Variants in EPRS1 observed in about 807,000 individuals in gnomAD.
EPRS1 encodes the protein bifunctional glutamate/proline--tRNA ligase.
EPRS1 carries 107 observed loss-of-function variants against 188.3 expected under a neutral mutation model. The ratio of observed to expected loss-of-function variants is 0.57; its 90% confidence interval spans 0.49 to 0.67. EPRS1 has a LOEUF of 0.67. Ranked by LOEUF, EPRS1 falls within the 30% of genes least tolerant of loss-of-function variation. The pLI is 0.00. For synonymous variants in EPRS1, 596 were observed against 593.1 expected (o/e 1.00, Z -0.07); for missense variants, 1,577 against 1,802.2 (o/e 0.88, Z 2.26).
intron 28 of EPRS1, among the ~76,000 whole-genome samples, chr1:219,975,799 TAA>T (rs1660765174): frequency 6.6e-6 from 1 of 151,876 alleles, no homozygotes; most frequent in Admixed American, 6.6e-5. Flanking sequence ...TCAACATACA[TAA>T]ATAGATATGG....
At chr1:219,988,016 T>A (rs1661037970) in intron 19 of EPRS1, among the ~76,000 whole-genome samples, 1 of 152,152 alleles carries the variant, frequency 6.6e-6, no homozygotes, top group Non-Finnish European at 1.5e-5. Context: ...GCCATTAAAT[T>A]ACATAAGTTG....
intron 17 of EPRS1, 103 bp from the exon 18 acceptor site, chr1:219,997,445 CAG>C (rs1661259394): frequency 9.4e-7 from 1 of 1,067,836 alleles, no homozygotes; most frequent in Non-Finnish European, 1.3e-6. Context: ...CAATTAAAAA[CAG>C]AAACTTTAAA....
chr1:220,038,320 G>A lies in EPRS1; in HGVS notation c.131+1865C>T, dbSNP rs555393887. On this transcript the variant is annotated intron_variant, in intron 2 of 31. Coordinates refer to ENST00000366923, the MANE Select transcript of EPRS1 (RefSeq NM_004446.3). ...TGGTCTCGAACTCCTGACCTCAGGT[G>A]ATCTGTCTGCCTTGGCCTCCCAAAG... 2.6e-5 allele frequency among the ~76,000 whole-genome samples: 4 copies of A among 151,234 alleles called. No individual in the cohort carries two copies. The East Asian group carries it at 7.8e-4, about 29-fold the overall frequency.
At chr1:220,039,520 ATTT>A (rs11414713) in intron 2 of EPRS1, among the ~76,000 whole-genome samples, 5 of 138,610 alleles carry the variant, frequency 3.6e-5, no homozygotes, top group Non-Finnish European at 4.7e-5. Flanking sequence ...TTTAATGCTG[ATTT>A]TTTTTTTTTT....
At chr1:219,970,112 G>A (rs1222255461) in intron 30 of EPRS1, among the ~76,000 whole-genome samples, 1 of 152,120 alleles carries the variant, frequency 6.6e-6, no homozygotes, top group Non-Finnish European at 1.5e-5. Flanking sequence ...GTGAGCCACC[G>A]GGCCCAGCCA....
At chr1:220,018,682 A>G (rs1470283587) in intron 11 of EPRS1, among the ~76,000 whole-genome samples, 174 bp from the exon 12 acceptor site, 2 of 152,136 alleles carry the variant, frequency 1.3e-5, no homozygotes, top group Non-Finnish European at 2.9e-5. Flanking sequence ...TACCCTTAAC[A>G]GTTCACTGTA....
In EPRS1 at chr1:220,027,382, C is replaced by T. The variant is rs1571693018; in HGVS notation, c.624-2124G>A. ...GGTGGAGCTTGCAGTGAGCCAAGAT[C>T]GTGCCACTGCACTCCAGCCCGGGCG... On this transcript the variant is annotated intron_variant, in intron 6 of 31. Coordinates refer to ENST00000366923, the MANE Select transcript of EPRS1 (RefSeq NM_004446.3). 3.3e-5 allele frequency among the ~76,000 whole-genome samples: 5 copies of T among 151,094 alleles called. No homozygotes were observed. In the South Asian group the frequency reaches 8.4e-4, roughly 25 times the overall value.
Position 219,981,406 on chromosome 1 carries a change from A to G in EPRS1, c.3425T>C (p.Ile1142Thr). 1 of 1,609,308 alleles carries G rather than the reference A, an allele frequency of 6.2e-7. No individual in the cohort carries two copies. The highest frequency in any genetic ancestry group is 8.5e-7 in the Non-Finnish European group (1 of 1,177,068). ...KWVQSHRDLP[I>T]KLNQWCNVVR... ...CACATTGCACCACTGATTGAGCTTG[A>G]TGGGCAGGTCTCTGTGTGACTGTAC... The change falls in exon 24 of 32, where the codon ATC becomes ACC. Residue 1142 changes from isoleucine (I) to threonine (T), a missense_variant. Coordinates refer to ENST00000366923, the MANE Select transcript of EPRS1 (RefSeq NM_004446.3).
rs981926756 is a variant in EPRS1 at position 219,980,237 on chromosome 1, A to G, written c.3559T>C (p.Leu1187=). The G allele has an allele frequency of 6.2e-7, 1 of 1,609,018 alleles. No individual in the cohort carries two copies. The highest frequency in any genetic ancestry group is 8.5e-7 in the Non-Finnish European group (1 of 1,176,616). Residue 1187 remains leucine, a synonymous_variant, in exon 26 of 32, where the codon TTG becomes CTG. Coordinates refer to ENST00000366923, the MANE Select transcript of EPRS1 (RefSeq NM_004446.3). ...ATMEEAAEEV[L]QILDLYAQVY... is the part of the protein sequence containing the mutation. Reference sequence around the variant, plus strand: ...TGAGCATATAAGTCAAGTATCTGCAAGACCTGTAACATTTTAAATGTAAAT... The same window carrying G: ...TGAGCATATAAGTCAAGTATCTGCAGGACCTGTAACATTTTAAATGTAAAT...
Position 220,033,508 on chromosome 1 carries a change from G to C in EPRS1, c.382C>G (p.Leu128Val). The C allele has an allele frequency of 2.5e-6, 4 of 1,603,374 alleles. No homozygotes were observed. Among genetic ancestry groups the C allele is most frequent in the Non-Finnish European group, 3.4e-6 (4 of 1,175,070 alleles). The change falls in exon 4 of 32, where the codon CTA (leucine) becomes GTA (valine). Residue 128 changes from leucine to valine, a missense_variant. Coordinates refer to ENST00000366923, the MANE Select transcript of EPRS1 (RefSeq NM_004446.3). ...SLADLCVWATLKGNAAWQEQL... is the reference protein window; with the variant it reads ...SLADLCVWATVKGNAAWQEQL... ...TATTAAGAATTATTGATACCTTTTA[G>C]GGTGGCCCAAACACATAAATCTGCT...
chr1:220,016,441 C>G (rs1483579774), intron 12 of EPRS1, among the ~76,000 whole-genome samples: 1 of 151,106 alleles, frequency 6.6e-6, no homozygotes, highest in Admixed American at 6.6e-5. Context: ...GACAGAGTCT[C>G]ACCCTGTCAC....
intron 16 of EPRS1, among the ~76,000 whole-genome samples, chr1:220,002,374 C>T (rs1367365017): frequency 2.0e-5 from 3 of 151,524 alleles, no homozygotes; most frequent in African/African-American, 4.8e-5. Context: ...GTCCTTATTA[C>T]AAACTTCCAA....
intron 28 of EPRS1, 141 bp from the exon 29 acceptor site, chr1:219,973,539 A>G (rs957371663): frequency 3.8e-6 from 2 of 528,878 alleles, no homozygotes; most frequent in African/African-American, 3.9e-5. Context: ...GAGAAAAAAA[A>G]AAAACAGGTA....
chr1:219,973,256 T>C lies in EPRS1; in HGVS notation c.4226A>G (p.Gln1409Arg), dbSNP rs751228243. Reference sequence around the variant, plus strand: ...AAACTACCTTGTGAAAAGGGTGACCTGGATGTCTTCCAAAATAGCTTGAAG... The same window carrying C: ...AAACTACCTTGTGAAAAGGGTGACCCGGATGTCTTCCAAAATAGCTTGAAG... ...TKLQAILEDIQVTLFTRASED... is the reference protein window; with the variant it reads ...TKLQAILEDIRVTLFTRASED... The change falls in exon 29 of 32, where the codon CAG (glutamine) becomes CGG (arginine). Residue 1409 changes from glutamine to arginine, a missense_variant. Around this residue, in one of 3 missense-constraint regions of EPRS1, gnomAD observed 296 missense variants for 327.9 expected, o/e 0.90. Coordinates refer to ENST00000366923, the MANE Select transcript of EPRS1 (RefSeq NM_004446.3). 2.5e-5 allele frequency: 41 copies of C among 1,612,980 alleles called. 1 individual carries two copies. In the South Asian group the frequency reaches 4.5e-4, roughly 18 times the overall value.
At chr1:220,031,825 G>T (rs1335152224) in intron 5 of EPRS1, among the ~76,000 whole-genome samples, 1 of 152,046 alleles carries the variant, frequency 6.6e-6, no homozygotes, top group African/African-American at 2.4e-5. Flanking sequence ...AATTGCAAAG[G>T]TGTAAAATTA....
Position 220,018,029 on chromosome 1 carries a change from A to G in EPRS1, c.1494+420T>C, listed in dbSNP as rs189363625. On this transcript the variant is annotated intron_variant, in intron 12 of 31. Transcript: ENST00000366923. ...GTTTGTATAAGCAAGTCTTTTATAT[A>G]AATGTGATTGTGCTTCAAAGCCATA... 133 of 612,670 alleles carry G rather than the reference A, an allele frequency of 2.2e-4. No individual in the cohort carries two copies. In the African/African-American group the frequency reaches 2.4e-3, roughly 11 times the overall value. 38.0% of individuals were successfully genotyped at this position (612,670 alleles called of 1,614,324 possible). A position where few individuals can be genotyped will look rare whatever the true frequency, so the allele number is the denominator to read the frequency against.
At chr1:220,024,624 T>C (rs1455607940) in intron 7 of EPRS1, among the ~76,000 whole-genome samples, 168 bp from the exon 8 acceptor site, 1 of 152,188 alleles carries the variant, frequency 6.6e-6, no homozygotes, top group African/African-American at 2.4e-5. Context: ...AAAAAACAGA[T>C]AGATACTCAT....
chr1:220,046,211 TG>T lies in EPRS1; in HGVS notation c.46+131del, dbSNP rs1571705028. The T allele has an allele frequency of 6.5e-6, 7 of 1,081,504 alleles. No homozygotes were observed. In the East Asian group the frequency reaches 1.0e-4, roughly 16 times the overall value. 67.0% of individuals were successfully genotyped at this position (1,081,504 alleles called of 1,614,324 possible). On this transcript the variant is annotated intron_variant, in intron 1 of 31. Transcript: ENST00000366923. ...GCGGAGCCTCCTCCACGTACAATTCTGGGGCGAGGGGCAGGTCCAACATCCC... is the reference window on the plus strand; with the variant it reads ...GCGGAGCCTCCTCCACGTACAATTCTGGGCGAGGGGCAGGTCCAACATCCC...
intron 4 of EPRS1, among the ~76,000 whole-genome samples, chr1:220,033,131 C>T (rs1662116446): frequency 6.6e-6 from 1 of 152,062 alleles, no homozygotes; most frequent in African/African-American, 2.4e-5. Context: ...CACACACTCA[C>T]TGAGCAATAA....
Sources: allele counts gnomAD v4.1 joint callset (sites outside exome capture counted in the v4.1 genomes callset), GRCh38; gene constraint gnomAD v4.1.1; regional missense constraint gnomAD v4.1.1; transcripts MANE v1.5; gene names NCBI Gene and HGNC (gene_info 2026-07-23, HGNC 2026-07-21).